SEMA3D: variants seen among roughly 807,000 people sequenced by gnomAD.
The protein encoded by SEMA3D is semaphorin-3D.
Under a neutral mutation model 100.1 loss-of-function variants are expected in SEMA3D, and 84 were observed. The observed-to-expected ratio is 0.84, with a 90% CI of 0.70 to 1.01. SEMA3D has a LOEUF of 1.01. SEMA3D is among the 50% of genes least tolerant of loss of function. The pLI is 0.00. For missense variants in SEMA3D, 875 were observed against 934.1 expected (o/e 0.94, Z 0.82); for synonymous variants, 312 against 320.7 (o/e 0.97, Z 0.29).
At chr7:85,057,930 C>T (rs757765045) in intron 8 of SEMA3D, among the ~76,000 whole-genome samples, 1 of 152,100 alleles carries the variant, frequency 6.6e-6, no homozygotes, top group Non-Finnish European at 1.5e-5. Context: ...GACTCCGTCT[C>T]AAAAAGAAAA....
chr7:85,133,160 A>T (rs577373376), intron 2 of SEMA3D, among the ~76,000 whole-genome samples: 1 of 152,064 alleles, frequency 6.6e-6, no homozygotes, highest in Non-Finnish European at 1.5e-5. Context: ...GTTCTGTTGA[A>T]GTCATGTGTT....
At chr7:85,058,609 G>A (rs1458288594) in intron 8 of SEMA3D, among the ~76,000 whole-genome samples, 2 of 151,512 alleles carry the variant, frequency 1.3e-5, no homozygotes, top group African/African-American at 2.4e-5. Context: ...TTAGCTGGGC[G>A]TGGTGGCGGG....
At chr7:85,081,650 G>C (rs1788070639) in intron 4 of SEMA3D, 71 bp from the exon 5 acceptor site, 1 of 970,546 alleles carries the variant, frequency 1.0e-6, no homozygotes, top group South Asian at 1.3e-5. Flanking sequence ...ATTCTGCTCA[G>C]AGAGTGAATG....
rs551981187 is a variant in SEMA3D at position 85,040,531 on chromosome 7, G to C, written c.1046+142C>G. On this transcript the variant is annotated intron_variant, in intron 11 of 18. Transcript: ENST00000284136. ...ACACTGATATTAAATGATTTTTAAGGAACACTAAGTGAAAAGGTAAAATGA... is the reference window on the plus strand; with the variant it reads ...ACACTGATATTAAATGATTTTTAAGCAACACTAAGTGAAAAGGTAAAATGA... 6.0e-5 allele frequency: 35 copies of C among 586,558 alleles called. No individual in the cohort carries two copies. The East Asian group carries it at 1.1e-3, about 18-fold the overall frequency. 36.3% of individuals were successfully genotyped at this position (586,558 alleles called of 1,614,324 possible). A position where few individuals can be genotyped will look rare whatever the true frequency, so the allele number is the denominator to read the frequency against.
intron 2 of SEMA3D, among the ~76,000 whole-genome samples, chr7:85,147,919 A>G (rs557676856): frequency 1.3e-5 from 2 of 152,154 alleles, no homozygotes; most frequent in African/African-American, 4.8e-5. Context: ...CTGGGAGTGC[A>G]CCCTGTCCCT....
At chr7:85,097,357 A>T (rs1788590878) in intron 4 of SEMA3D, among the ~76,000 whole-genome samples, 2 of 151,836 alleles carry the variant, frequency 1.3e-5, no homozygotes, top group African/African-American at 4.8e-5. Flanking sequence ...TGGAAAAAGC[A>T]GTATGGTGTT....
the SEMA3D span, among the ~76,000 whole-genome samples, chr7:85,236,595 C>T: frequency 7.7e-3 from 1,166 of 151,784 alleles, 15 homozygotes; most frequent in African/African-American, 0.027. Context: ...CATGAGCCAC[C>T]GCACCCAGAC....
In SEMA3D at chr7:85,072,055, T is replaced by C. The variant is rs189881623; in HGVS notation, c.495+907A>G. On this transcript the variant is annotated intron_variant, in intron 6 of 18. Transcript: ENST00000284136. ...TTGAGACTTAATTTTTACTAACCTG[T>C]AAATTGGTAATTATAATGACACTGG... 2.5e-3 allele frequency among the ~76,000 whole-genome samples: 376 copies of C among 152,330 alleles called. 4 individuals are homozygous for C. The highest frequency in any genetic ancestry group is 3.2e-3 in the Non-Finnish European group (218 of 68,020).
At chr7:85,093,355 T>G (rs1442581501) in intron 4 of SEMA3D, among the ~76,000 whole-genome samples, 1 of 151,910 alleles carries the variant, frequency 6.6e-6, no homozygotes, top group Non-Finnish European at 1.5e-5. Flanking sequence ...CAAAGTTTTT[T>G]TGCTCCTAAA....
chr7:85,193,684 T>C, the SEMA3D span, among the ~76,000 whole-genome samples: 1 of 152,050 alleles, frequency 6.6e-6, no homozygotes, highest in African/African-American at 2.4e-5. Flanking sequence ...TGAGAAGCAA[T>C]GATGAAGTTC....
chr7:85,009,125 A>G (rs2115763077), intron 17 of SEMA3D, among the ~76,000 whole-genome samples: 1 of 151,822 alleles, frequency 6.6e-6, no homozygotes, highest in African/African-American at 2.4e-5. Flanking sequence ...TAGTGTTTTG[A>G]AATAGTTAAA....
At chr7:85,216,752 G>T in the SEMA3D span, among the ~76,000 whole-genome samples, 9 of 151,714 alleles carry the variant, frequency 5.9e-5, no homozygotes, top group Non-Finnish European at 1.0e-4. Flanking sequence ...ATTTTTATGG[G>T]TTTTACAATG....
chr7:85,028,199 C>A, intron 12 of SEMA3D: 1 of 662,922 alleles, frequency 1.5e-6, no homozygotes, highest in Non-Finnish European at 2.7e-6. Flanking sequence ...ATGGTTCTGA[C>A]AAAGATGAAG....
At position 85,006,804 on chromosome 7, in the gene SEMA3D, C is replaced by T. The variant is rs141853136; in HGVS notation, c.1906G>A (p.Glu636Lys). Reference sequence around the variant, plus strand: ...ATTCTTTGATGACAACAGCTTACCTCCTCTCGATGCTCATCCCCTGACCTC... The same window carrying T: ...ATTCTTTGATGACAACAGCTTACCTTCTCTCGATGCTCATCCCCTGACCTC... ...IQRSGDEHREELKPDERIIKT... is the reference protein window; with the variant it reads ...IQRSGDEHREKLKPDERIIKT... Residue 636 changes from glutamate to lysine, a missense_variant and splice_region_variant, in exon 18 of 19, where the codon GAG (glutamate) becomes AAG (lysine). Transcript: ENST00000284136. The T allele has an allele frequency of 1.9e-6, 3 of 1,588,486 alleles. No homozygotes were observed. The highest frequency in any genetic ancestry group is 2.7e-5 in the African/African-American group (2 of 73,818).
chr7:85,060,783 TG>T (rs1430452035), intron 8 of SEMA3D, among the ~76,000 whole-genome samples: 1 of 152,236 alleles, frequency 6.6e-6, no homozygotes, highest in African/African-American at 2.4e-5. Flanking sequence ...CATTTTTTGA[TG>T]TTCTCCTTTC....
intron 4 of SEMA3D, among the ~76,000 whole-genome samples, chr7:85,085,659 A>G (rs1458661235): frequency 6.6e-6 from 1 of 152,152 alleles, no homozygotes; most frequent in Non-Finnish European, 1.5e-5. Context: ...GGATGAAATC[A>G]CCGTGCCCAG....
At chr7:85,009,866 G>A (rs182600881) in intron 17 of SEMA3D, among the ~76,000 whole-genome samples, 50 of 151,876 alleles carry the variant, frequency 3.3e-4, no homozygotes, top group African/African-American at 1.2e-3. Flanking sequence ...TAGGTGCTAG[G>A]ATAATATGAC....
chr7:85,246,339 C>T, the SEMA3D span, among the ~76,000 whole-genome samples: 1 of 152,026 alleles, frequency 6.6e-6, no homozygotes, highest in Non-Finnish European at 1.5e-5. Flanking sequence ...GGAAGTACTT[C>T]ATACAAAAAG....
chr7:85,050,404 G>T (rs929581296), intron 9 of SEMA3D: 33 of 190,364 alleles, frequency 1.7e-4, no homozygotes, highest in Non-Finnish European at 3.4e-4. Flanking sequence ...ATCCTTCAAG[G>T]TTAAACAATT....
Sources: allele counts gnomAD v4.1 joint callset (sites outside exome capture counted in the v4.1 genomes callset), GRCh38; gene constraint gnomAD v4.1.1; transcripts MANE v1.5; gene names NCBI Gene and HGNC (gene_info 2026-07-23, HGNC 2026-07-21).